PARP9: variants seen among roughly 807,000 people sequenced by gnomAD.
PARP9 encodes the protein poly(ADP-ribose) polymerase family member 9, also known as protein mono-ADP-ribosyltransferase PARP9.
PARP9 carries 48 observed loss-of-function variants against 68.8 expected under a neutral mutation model. The ratio of observed to expected loss-of-function variants is 0.70; its 90% CI spans 0.55 to 0.89. The LOEUF is 0.89. PARP9 is among the 40% of genes least tolerant of loss of function. The pLI is 0.00. For missense variants in PARP9, 806 were observed against 969.3 expected, an observed-to-expected ratio of 0.83 and a Z score of 2.24; for synonymous variants, 309 against 333.8, an observed-to-expected ratio of 0.93 and a Z score of 0.81.
In PARP9 at chr3:122,541,965, G is replaced by C. The variant is rs140506369; in HGVS notation, c.1385-1113C>G. Among the ~76,000 whole-genome samples, 264 of 152,296 alleles carry C rather than the reference G, an allele frequency of 1.7e-3. 2 individuals are homozygous for C. The highest frequency in any genetic ancestry group is 6.2e-3 in the African/African-American group (258 of 41,562). On this transcript the variant is annotated intron_variant, in intron 7 of 10. Transcript: ENST00000682323. Reference sequence around the variant, plus strand: ...AGTATAAGGACAGACCTAGAAGTAAGATGGGGAGGATGGCCTTCCTCTGAG... The same window carrying C: ...AGTATAAGGACAGACCTAGAAGTAACATGGGGAGGATGGCCTTCCTCTGAG...
chr3:122,543,995 C>T (rs9847545), intron 7 of PARP9, among the ~76,000 whole-genome samples: 3,517 of 152,276 alleles, frequency 0.023, 149 homozygotes, highest in African/African-American at 0.08. Context: ...TAAATGGTGA[C>T]ATTTGCCGCC....
intron 1 of PARP9, among the ~76,000 whole-genome samples, chr3:122,560,474 C>T (rs1211649382): frequency 2.0e-5 from 3 of 152,138 alleles, no homozygotes; most frequent in African/African-American, 7.2e-5. Context: ...GCAAGCTCCG[C>T]CTCCTGGGTT....
chr3:122,546,622 G>C (rs2078719825), intron 6 of PARP9, among the ~76,000 whole-genome samples: 1 of 152,096 alleles, frequency 6.6e-6, no homozygotes, highest in Non-Finnish European at 1.5e-5. Flanking sequence ...ACCTCCATGT[G>C]GATATAATGT....
chr3:122,561,962 T>C (rs761080327), intron 1 of PARP9, among the ~76,000 whole-genome samples: 1 of 152,148 alleles, frequency 6.6e-6, no homozygotes, highest in Non-Finnish European at 1.5e-5. Flanking sequence ...TCTCCTGGAT[T>C]CTACAGCTCA....
At chr3:122,541,100 C>T (rs1055767488) in intron 7 of PARP9, among the ~76,000 whole-genome samples, 3 of 152,216 alleles carry the variant, frequency 2.0e-5, no homozygotes, top group African/African-American at 2.4e-5. Context: ...CCGTGTTAGC[C>T]GGGATGGTCT....
chr3:122,531,235 T>A (rs2077284318), intron 10 of PARP9, among the ~76,000 whole-genome samples: 1 of 152,206 alleles, frequency 6.6e-6, no homozygotes, highest in Non-Finnish European at 1.5e-5. Flanking sequence ...TAAGATATGA[T>A]CCCTATTCTC....
intron 10 of PARP9, chr3:122,533,790 T>C: frequency 4.1e-6 from 4 of 985,300 alleles, no homozygotes; most frequent in Non-Finnish European, 4.8e-6. Flanking sequence ...AATGCAAACA[T>C]AAATAGAAAA....
Position 122,540,415 on chromosome 3 carries a change from C to G in PARP9, c.1765+57G>C, listed in dbSNP as rs2078110047. ...CACATCCATACATACACGCTCACAC[C>G]CAAAAGAAGAAACAATGGGGAGAAT... On this transcript the variant is annotated intron_variant, in intron 8 of 10. Coordinates refer to ENST00000682323, the MANE Select transcript of PARP9 (RefSeq NM_001146105.2). 18 of 1,586,706 alleles carry G rather than the reference C, an allele frequency of 1.1e-5. No individual in the cohort carries two copies. In the South Asian group the frequency reaches 1.9e-4, roughly 17 times the overall value.
rs745677021 is a variant in PARP9, at chr3:122,556,141, TAAAAAAA to T, written c.50-27_50-21del. 355 of 210,162 alleles carry T rather than the reference TAAAAAAA, an allele frequency of 1.7e-3. 4 individuals are homozygous for T. Among genetic ancestry groups the T allele is most frequent in the Admixed American group, 3.1e-3 (25 of 8,002 alleles). The allele number at this position is 210,162 out of a possible 1,614,324, so 13.0% of individuals were successfully genotyped here. A position where few individuals can be genotyped will look rare whatever the true frequency, so the allele number is the denominator to read the frequency against. On this transcript the variant is annotated intron_variant, in intron 3 of 10. Transcript: ENST00000682323. ...CAGTCTCTGGAAAAGAAGAGAAGAT[TAAAAAAA>T]AAAAAAAAAAAAAAAAAAAAAAAAA...
rs898668270 is a variant in PARP9, at chr3:122,562,203, C to G, written c.-90+2042G>C. Reference sequence around the variant, plus strand: ...CTTTTCTTTTCTTTTCTTTTCTTTTCTTTTTGAGACGGAGTCTTACTCTGT... The same window carrying G: ...CTTTTCTTTTCTTTTCTTTTCTTTTGTTTTTGAGACGGAGTCTTACTCTGT... On this transcript the variant is annotated intron_variant, in intron 1 of 10. Transcript: ENST00000682323. Among the ~76,000 whole-genome samples, 5 of 139,058 alleles carry G rather than the reference C, an allele frequency of 3.6e-5. No homozygotes were observed. In the Admixed American group the frequency reaches 3.8e-4, roughly 11 times the overall value. The allele number at this position is 139,058 out of a possible 152,430, so 91.2% of individuals were successfully genotyped here. A position where few individuals can be genotyped will look rare whatever the true frequency, so the allele number is the denominator to read the frequency against.
At chr3:122,539,515 C>CT (rs1429357977) in intron 8 of PARP9, among the ~76,000 whole-genome samples, 6 of 23,182 alleles carry the variant, frequency 2.6e-4, no homozygotes, top group Admixed American at 2.9e-4. Context: ...GCATTTCTTT[C>CT]TTTCTTTCTT....
Position 122,558,428 on chromosome 3 carries a change from T to G in PARP9, c.49+6A>C, listed in dbSNP as rs1297352830. 1.2e-6 allele frequency: 2 copies of G among 1,614,156 alleles called. No individual in the cohort carries two copies. Among genetic ancestry groups the G allele is most frequent in the South Asian group, 2.2e-5 (2 of 91,086 alleles). On this transcript the variant is annotated splice_donor_region_variant and intron_variant, in intron 3 of 10. Transcript: ENST00000682323. Reference sequence around the variant, plus strand: ...TGAAACAAGAGTGAGAGCGAGGTAATCCTACCTGATTTTTCATTGTAAGCT... The same window carrying G: ...TGAAACAAGAGTGAGAGCGAGGTAAGCCTACCTGATTTTTCATTGTAAGCT...
intron 10 of PARP9, among the ~76,000 whole-genome samples, chr3:122,529,127 A>G (rs1293814652): frequency 6.6e-6 from 1 of 151,402 alleles, no homozygotes; most frequent in Non-Finnish European, 1.5e-5. Flanking sequence ...AATCCCAGCT[A>G]CTCAGGAGGC....
chr3:122,550,546 T>C (rs1311672137), intron 6 of PARP9, 38 bp downstream of exon 6: 3 of 1,485,128 alleles, frequency 2.0e-6, no homozygotes, highest in Non-Finnish European at 2.8e-6. Context: ...AATGAATGAA[T>C]GAATGAACAG....
At chr3:122,539,575 T>TTCTTTC (rs2078019081) in intron 8 of PARP9, among the ~76,000 whole-genome samples, 1 of 108,376 alleles carries the variant, frequency 9.2e-6, no homozygotes, top group Admixed American at 9.6e-5. Context: ...TTCTTTTTTT[T>TTCTTTC]TTGAGACAGA....
chr3:122,547,013 T>TACAC (rs1383480849), intron 6 of PARP9, among the ~76,000 whole-genome samples: 12 of 61,438 alleles, frequency 2.0e-4, no homozygotes, highest in South Asian at 5.2e-4. Flanking sequence ...TATATATATA[T>TACAC]ACACACACAC....
chr3:122,539,703 A>G (rs1445393357), intron 8 of PARP9, among the ~76,000 whole-genome samples: 2 of 151,754 alleles, frequency 1.3e-5, no homozygotes, highest in Non-Finnish European at 2.9e-5. Flanking sequence ...TGGGATTACA[A>G]GCATGGGCCA....
chr3:122,549,310 C>T (rs2079006782), intron 6 of PARP9, among the ~76,000 whole-genome samples: 1 of 152,200 alleles, frequency 6.6e-6, no homozygotes, highest in Admixed American at 6.5e-5. Context: ...GCCACCTCAC[C>T]CACCTGTATT....
At chr3:122,546,305 C>T (rs2078692678) in intron 6 of PARP9, among the ~76,000 whole-genome samples, 1 of 152,242 alleles carries the variant, frequency 6.6e-6, no homozygotes, top group Non-Finnish European at 1.5e-5. Flanking sequence ...GATGCTCTTT[C>T]ATGATGCTGG....
Sources: allele counts gnomAD v4.1 joint callset (sites outside exome capture counted in the v4.1 genomes callset), GRCh38; gene constraint gnomAD v4.1.1; transcripts MANE v1.5; gene names NCBI Gene and HGNC (gene_info 2026-07-23, HGNC 2026-07-21).